GSTCD: variants seen among roughly 807,000 people sequenced by gnomAD.
The protein encoded by GSTCD is glutathione S-transferase C-terminal domain-containing protein.
In GSTCD, 44 loss-of-function variants were observed where a neutral mutation model predicts 68.3. The observed-to-expected ratio is 0.64, with a 90% confidence interval of 0.51 to 0.83. The LOEUF (loss-of-function observed/expected upper bound fraction) is 0.83. GSTCD is among the 40% of genes least tolerant of loss of function. The pLI is 0.00. For missense variants in GSTCD, 739 were observed against 735.9 expected (o/e 1.00, Z -0.05); for synonymous variants, 273 against 255.2 (o/e 1.07, Z -0.67).
At chr4:105,732,370 C>A (rs1295872634) in intron 5 of GSTCD, among the ~76,000 whole-genome samples, 3 of 152,136 alleles carry the variant, frequency 2.0e-5, no homozygotes, top group African/African-American at 7.2e-5. Context: ...AATTTCAGAG[C>A]CTGTTATTGG....
At chr4:105,750,725 C>T (rs115587960) in intron 5 of GSTCD, among the ~76,000 whole-genome samples, 1,559 of 152,162 alleles carry the variant, frequency 0.01, 32 homozygotes, top group African/African-American at 0.035. Flanking sequence ...TTCTTAGTGG[C>T]CCCCTAACTG....
At chr4:105,723,953 G>A (rs1466767101) in intron 3 of GSTCD, among the ~76,000 whole-genome samples, 1 of 151,776 alleles carries the variant, frequency 6.6e-6, no homozygotes, top group Non-Finnish European at 1.5e-5. Flanking sequence ...AAGTGCTTCA[G>A]TATTCAAAGA....
At chr4:105,776,586 G>A (rs929844495) in intron 5 of GSTCD, among the ~76,000 whole-genome samples, 2 of 152,146 alleles carry the variant, frequency 1.3e-5, no homozygotes, top group Admixed American at 6.5e-5. Context: ...CCTTGGCTAG[G>A]GGAGGGAGTT....
chr4:105,814,498 A>G (rs1019263502), intron 5 of GSTCD, among the ~76,000 whole-genome samples: 6 of 152,160 alleles, frequency 3.9e-5, no homozygotes, highest in South Asian at 2.1e-4. Flanking sequence ...CTGTAATCCC[A>G]GCTACTCGGA....
At chr4:105,817,910 G>A (rs142242077) in intron 5 of GSTCD, among the ~76,000 whole-genome samples, 7 of 151,842 alleles carry the variant, frequency 4.6e-5, no homozygotes, top group Admixed American at 1.3e-4. Flanking sequence ...GATATCTAAC[G>A]CATTTTCACA....
At position 105,835,327 on chromosome 4, in the gene GSTCD, G is replaced by A. The variant is rs965126287; in HGVS notation, c.1664+733G>A. On this transcript the variant is annotated intron_variant, in intron 9 of 11. Coordinates refer to ENST00000515279, the MANE Select transcript of GSTCD (RefSeq NM_001370181.1). ...CACAGATCCCACACCTGCCAAGGGT[G>A]AGCCAGGTACAGAGTGGTGAGGGGT... 3.3e-5 allele frequency among the ~76,000 whole-genome samples: 5 copies of A among 152,124 alleles called. No individual in the cohort carries two copies. The South Asian group carries it at 8.3e-4, about 25-fold the overall frequency.
chr4:105,708,787 A>G lies in GSTCD; in HGVS notation c.-251A>G, dbSNP rs1030090367. 6.1e-4 allele frequency: 100 copies of G among 164,222 alleles called. No homozygotes were observed. The highest frequency in any genetic ancestry group is 2.3e-3 in the African/African-American group (96 of 41,746). The allele number at this position is 164,222 out of a possible 1,614,324, so 10.2% of individuals were successfully genotyped here. A position where few individuals can be genotyped will look rare whatever the true frequency, so the allele number is the denominator to read the frequency against. On this transcript the variant is annotated 5_prime_UTR_variant, in exon 1 of 12. Coordinates refer to ENST00000515279, the MANE Select transcript of GSTCD (RefSeq NM_001370181.1). Reference sequence around the variant, plus strand: ...CAGTGCGACAGTAGGAAGTGACGTTACTTCCCTTTTTCCGGTCCGCCGGAT... The same window carrying G: ...CAGTGCGACAGTAGGAAGTGACGTTGCTTCCCTTTTTCCGGTCCGCCGGAT...
At chr4:105,769,408 T>C (rs1256915668) in intron 5 of GSTCD, among the ~76,000 whole-genome samples, 3 of 152,114 alleles carry the variant, frequency 2.0e-5, no homozygotes, top group Non-Finnish European at 4.4e-5. Flanking sequence ...AACCTACCCA[T>C]GGTAACCACA....
intron 9 of GSTCD, among the ~76,000 whole-genome samples, chr4:105,835,992 C>G (rs1034902870): frequency 6.9e-6 from 1 of 144,632 alleles, no homozygotes; most frequent in Non-Finnish European, 1.5e-5. Flanking sequence ...GAAGGAGACC[C>G]GCAGTGGGTA....
At chr4:105,818,783 AGG>A (rs926557712) in intron 5 of GSTCD, among the ~76,000 whole-genome samples, 2 of 151,704 alleles carry the variant, frequency 1.3e-5, no homozygotes, top group African/African-American at 4.8e-5. Flanking sequence ...AGAATTTAAT[AGG>A]GGTTCAAAAG....
chr4:105,710,033 A>G (rs1423133002), intron 1 of GSTCD, among the ~76,000 whole-genome samples: 1 of 151,554 alleles, frequency 6.6e-6, no homozygotes, highest in Non-Finnish European at 1.5e-5. Flanking sequence ...CTTTAAGCAC[A>G]CTCATTACTA....
At chr4:105,740,275 C>G (rs548206240) in intron 5 of GSTCD, among the ~76,000 whole-genome samples, 1 of 151,988 alleles carries the variant, frequency 6.6e-6, no homozygotes, top group Non-Finnish European at 1.5e-5. Context: ...AACTATAGTC[C>G]TCACTCCAGT....
rs146373827 is a variant in GSTCD, at chr4:105,773,017, T to A, written c.1240+43518T>A. On this transcript the variant is annotated intron_variant, in intron 5 of 11. Transcript: ENST00000515279. ...TTTTTTTGGTTGGTAGGCTATTAATTACTGCCTCAATTTCAGAACTTGTTA... is the reference window on the plus strand; with the variant it reads ...TTTTTTTGGTTGGTAGGCTATTAATAACTGCCTCAATTTCAGAACTTGTTA... Among the ~76,000 whole-genome samples, 1,493 of 152,322 alleles carry A rather than the reference T, an allele frequency of 9.8e-3. 18 individuals are homozygous for A. Among genetic ancestry groups the A allele is most frequent in the Middle Eastern group, 0.041 (12 of 294 alleles).
At chr4:105,755,638 C>A (rs765459085) in intron 5 of GSTCD, among the ~76,000 whole-genome samples, 2 of 152,138 alleles carry the variant, frequency 1.3e-5, no homozygotes, top group Non-Finnish European at 2.9e-5. Context: ...CCCCCCACTT[C>A]AGATGCCAAT....
chr4:105,803,144 A>T (rs1177855058), intron 5 of GSTCD, among the ~76,000 whole-genome samples: 1 of 152,122 alleles, frequency 6.6e-6, no homozygotes, highest in African/African-American at 2.4e-5. Flanking sequence ...GAAATACCAA[A>T]ACATTTGTTC....
chr4:105,843,461 T>A (rs1724434016), intron 11 of GSTCD: 1 of 152,226 alleles, frequency 6.6e-6, no homozygotes. Flanking sequence ...ACTGGGTAAT[T>A]CATAATGAAC....
At chr4:105,769,694 A>G (rs1159522031) in intron 5 of GSTCD, among the ~76,000 whole-genome samples, 1 of 152,036 alleles carries the variant, frequency 6.6e-6, no homozygotes, top group Non-Finnish European at 1.5e-5. Context: ...GTTTTTTGGT[A>G]TTCCACATTT....
rs1330073913 is a variant in GSTCD at position 105,709,011 on chromosome 4, G to C, written c.-27G>C. On this transcript the variant is annotated 5_prime_UTR_variant, in exon 1 of 12. Transcript: ENST00000515279. ...CCTCCCTGCCTGGCCGCGCCTCTGC[G>C]ACCAGGTAAAGAGGGCGCTCGGGCC... 6.6e-6 allele frequency: 1 copy of C among 152,596 alleles called. No individual in the cohort carries two copies. The highest frequency in any genetic ancestry group is 1.5e-5 in the Non-Finnish European group (1 of 68,076). 9.5% of individuals were successfully genotyped at this position (152,596 alleles called of 1,614,324 possible).
intron 5 of GSTCD, among the ~76,000 whole-genome samples, chr4:105,792,256 A>G (rs1331258048): frequency 6.6e-6 from 1 of 152,130 alleles, no homozygotes; most frequent in Non-Finnish European, 1.5e-5. Flanking sequence ...TGTGGTATCC[A>G]ACAGATATTC....
Sources: allele counts gnomAD v4.1 joint callset (sites outside exome capture counted in the v4.1 genomes callset), GRCh38; gene constraint gnomAD v4.1.1; transcripts MANE v1.5; gene names NCBI Gene and HGNC (gene_info 2026-07-23, HGNC 2026-07-21).